PHACTR3: variants seen among roughly 807,000 people sequenced by gnomAD.
The protein encoded by PHACTR3 is phosphatase and actin regulator 3.
PHACTR3 carries 16 observed loss-of-function variants against 66.8 expected under a neutral mutation model. The observed-to-expected ratio is 0.24, with a 90% CI of 0.16 to 0.36. The LOEUF is 0.36. Among genes scored for constraint, PHACTR3 ranks in the 10% least tolerant of loss-of-function variants. The probability of loss-of-function intolerance (pLI) is 1.00; values close to 1 mark genes in which losing one functional copy is unlikely to be tolerated. For synonymous variants in PHACTR3, 323 were observed against 292.1 expected, an observed-to-expected ratio of 1.11 and a Z score of -1.08; for missense variants, 647 against 719.9, an observed-to-expected ratio of 0.90 and a Z score of 1.16.
At chr20:59,646,941 C>T (rs1014237226) in intron 1 of PHACTR3, among the ~76,000 whole-genome samples, 3 of 152,120 alleles carry the variant, frequency 2.0e-5, no homozygotes, top group Admixed American at 1.3e-4. Context: ...AGGCAGGGCT[C>T]ATTAAAGGGA....
chr20:59,579,618 G>C (rs1250647857), intron 1 of PHACTR3, among the ~76,000 whole-genome samples: 1 of 152,236 alleles, frequency 6.6e-6, no homozygotes, highest in Non-Finnish European at 1.5e-5. Context: ...GCCAATGGCA[G>C]GTTCTAGGCT....
chr20:59,723,758 G>A (rs537558806), intron 1 of PHACTR3, among the ~76,000 whole-genome samples: 1 of 151,916 alleles, frequency 6.6e-6, no homozygotes, highest in African/African-American at 2.4e-5. Flanking sequence ...ATGGTAAGGA[G>A]TGAGAATGGT....
chr20:59,585,262 C>A (rs1427027174), intron 1 of PHACTR3, among the ~76,000 whole-genome samples: 1 of 152,172 alleles, frequency 6.6e-6, no homozygotes, highest in African/African-American at 2.4e-5. Context: ...TGGGAGGGTG[C>A]AAAGCCACGT....
At chr20:59,755,645 G>A (rs1023991229) in intron 4 of PHACTR3, among the ~76,000 whole-genome samples, 3 of 152,162 alleles carry the variant, frequency 2.0e-5, no homozygotes, top group Non-Finnish European at 2.9e-5. Flanking sequence ...CTCCCAGGGC[G>A]TCTTTGTGTT....
intron 1 of PHACTR3, among the ~76,000 whole-genome samples, chr20:59,635,524 G>A (rs1410620495): frequency 6.6e-6 from 1 of 151,942 alleles, no homozygotes; most frequent in Non-Finnish European, 1.5e-5. Flanking sequence ...ATGTGCCATC[G>A]TGCCCGGCCT....
At position 59,847,143 on chromosome 20, in the gene PHACTR3, G is replaced by T; in HGVS notation, c.*13G>T. ...CCACAGGCCATAGAGATTTTCTTCT[G>T]AGAAGAATTTGTGTTTAATTTTTTG... On this transcript the variant is annotated 3_prime_UTR_variant, in exon 13 of 13. Coordinates refer to ENST00000371015, the MANE Select transcript of PHACTR3 (RefSeq NM_080672.5). 6.6e-7 allele frequency: 1 copy of T among 1,512,742 alleles called. No individual in the cohort carries two copies. 93.7% of individuals were successfully genotyped at this position (1,512,742 alleles called of 1,614,324 possible).
chr20:59,742,454 C>CTGCTCACAGACG (rs201747176), intron 1 of PHACTR3, among the ~76,000 whole-genome samples: 4 of 116,476 alleles, frequency 3.4e-5, no homozygotes, highest in South Asian at 3.1e-4. Flanking sequence ...CTTCCTCTGC[C>CTGCTCACAGACG]TGCTCACAGA....
chr20:59,757,856 G>C (rs2039859516), intron 4 of PHACTR3, among the ~76,000 whole-genome samples: 2 of 152,194 alleles, frequency 1.3e-5, no homozygotes, highest in Non-Finnish European at 2.9e-5. Flanking sequence ...TGTAGTCCTA[G>C]CTACTCACGA....
At chr20:59,679,079 G>C (rs6027037) in intron 1 of PHACTR3, among the ~76,000 whole-genome samples, 1 of 152,210 alleles carries the variant, frequency 6.6e-6, no homozygotes, top group Non-Finnish European at 1.5e-5. Flanking sequence ...TAAATATTTA[G>C]GGGGTGGACG....
At chr20:59,660,514 A>C (rs1017390175) in intron 1 of PHACTR3, among the ~76,000 whole-genome samples, 1 of 152,168 alleles carries the variant, frequency 6.6e-6, no homozygotes, top group Non-Finnish European at 1.5e-5. Context: ...AACAAACAAA[A>C]AACTCACTCT....
chr20:59,778,978 G>A (rs2040631571), intron 7 of PHACTR3, among the ~76,000 whole-genome samples: 2 of 152,208 alleles, frequency 1.3e-5, no homozygotes, highest in South Asian at 4.1e-4. Context: ...TGTCTGCACC[G>A]TGCAATGTGT....
intron 7 of PHACTR3, among the ~76,000 whole-genome samples, 178 bp downstream of exon 7, chr20:59,774,668 G>C (rs1601325866): frequency 6.6e-6 from 1 of 151,970 alleles, no homozygotes; most frequent in East Asian, 1.9e-4. Context: ...AAGCTGGGGT[G>C]GGGGTGCACA....
intron 7 of PHACTR3, among the ~76,000 whole-genome samples, chr20:59,786,256 C>T (rs553131776): frequency 6.6e-6 from 1 of 152,362 alleles, no homozygotes; most frequent in Non-Finnish European, 1.5e-5. Flanking sequence ...TGTGGCCATT[C>T]AGTTTGCCCA....
intron 1 of PHACTR3, among the ~76,000 whole-genome samples, chr20:59,709,990 G>A (rs1471977531): frequency 6.6e-6 from 1 of 152,166 alleles, no homozygotes; most frequent in Admixed American, 6.5e-5. Context: ...TGCAGAACCT[G>A]TTGTGTTCTG....
chr20:59,663,214 C>G (rs2035874049), intron 1 of PHACTR3, among the ~76,000 whole-genome samples: 1 of 152,234 alleles, frequency 6.6e-6, no homozygotes, highest in Non-Finnish European at 1.5e-5. Flanking sequence ...CTAGCATGGT[C>G]TCATTTTAAC....
At chr20:59,657,258 TG>T (rs1283684913) in intron 1 of PHACTR3, among the ~76,000 whole-genome samples, 132 of 17,764 alleles carry the variant, frequency 7.4e-3, no homozygotes, top group African/African-American at 0.025. Context: ...AGAAGTGTGT[TG>T]TGTGTGTGTG....
At chr20:59,638,333 A>G (rs2034966670) in intron 1 of PHACTR3, among the ~76,000 whole-genome samples, 1 of 152,188 alleles carries the variant, frequency 6.6e-6, no homozygotes, top group Non-Finnish European at 1.5e-5. Flanking sequence ...TATACACAGT[A>G]GAGTCTCCAT....
At chr20:59,806,262 C>T in intron 8 of PHACTR3, 68 bp downstream of exon 8, 1 of 1,562,308 alleles carries the variant, frequency 6.4e-7, no homozygotes, top group African/African-American at 1.4e-5. Context: ...CCTCTGAGAT[C>T]CCACATCCTG....
rs557601080 is a variant in PHACTR3 at position 59,777,968 on chromosome 20, C to A, written c.1174+3478C>A. ...TACATCTCCAGATCTCGGTTCCCAT[C>A]TGCGCCCTGTGCTGGGACTCTTCTC... On this transcript the variant is annotated intron_variant, in intron 7 of 12. Coordinates refer to ENST00000371015, the MANE Select transcript of PHACTR3 (RefSeq NM_080672.5). Among the ~76,000 whole-genome samples, 4 of 152,292 alleles carry A rather than the reference C, an allele frequency of 2.6e-5. No homozygotes were observed. The East Asian group carries it at 7.7e-4, about 29-fold the overall frequency.
Sources: allele counts gnomAD v4.1 joint callset (sites outside exome capture counted in the v4.1 genomes callset), GRCh38; gene constraint gnomAD v4.1.1; transcripts MANE v1.5; gene names NCBI Gene and HGNC (gene_info 2026-07-23, HGNC 2026-07-21).